The following MRPL24 variants were observed in gnomAD, a reference collection of about 807,000 sequenced individuals.
MRPL24 encodes large ribosomal subunit protein uL24m.
MRPL24 carries 15 observed loss-of-function variants against 26.9 expected under a neutral mutation model. That is an observed-to-expected ratio of 0.56 (90% CI 0.37 to 0.86). The LOEUF (loss-of-function observed/expected upper bound fraction) is 0.86. MRPL24 is among the 40% of genes least tolerant of loss of function. The probability of loss-of-function intolerance (pLI) is 0.00; values close to 1 mark genes in which losing one functional copy is unlikely to be tolerated. For synonymous variants in MRPL24, 92 were observed against 102.4 expected, an observed-to-expected ratio of 0.90 and a Z score of 0.62; for missense variants, 241 against 281.4, an observed-to-expected ratio of 0.86 and a Z score of 1.03.
In MRPL24 at chr1:156,737,684, A is replaced by G. The variant is rs781725443; in HGVS notation, c.476T>C (p.Phe159Ser). ...RSGRIIPKPE[F>S]PRADGIVPET... ...AGGGACGATGCCATCAGCTCTGGGA[A>G]ATTCGGGTTTAGGGATAATTCTCCC... The change falls in exon 5 of 6, where the codon TTT becomes TCT. Residue 159 changes from phenylalanine to serine, a missense_variant. Physicochemically the swap from Phe to Ser is radical, Grantham distance 155. Transcript: ENST00000361531. The G allele has an allele frequency of 1.2e-6, 2 of 1,614,096 alleles. No individual in the cohort carries two copies. The highest frequency in any genetic ancestry group is 2.2e-5 in the South Asian group (2 of 91,076).
upstream of MRPL24, chr1:156,741,421 C>CAAAG (rs1293447944): frequency 1.3e-5 from 2 of 152,216 alleles, no homozygotes; most frequent in Non-Finnish European, 2.9e-5. Flanking sequence ...CTGTTCAAGG[C>CAAAG]AAAGGGCCGC....
Position 156,738,080 on chromosome 1 carries a change from C to T in MRPL24, c.334G>A (p.Glu112Lys), listed in dbSNP as rs1389478344. The T allele has an allele frequency of 1.2e-6, 2 of 1,614,168 alleles. No homozygotes were observed. Among genetic ancestry groups the T allele is most frequent in the Non-Finnish European group, 1.7e-6 (2 of 1,180,022 alleles). Residue 112 changes from glutamate to lysine, a missense_variant, in exon 4 of 6, where the codon GAA becomes AAA. By Grantham distance (56) the Glu-to-Lys change is moderately conservative. Transcript: ENST00000361531. ...MDYRGTMIPS[E>K]APLLHRQVKL... ...ACCTGGCGGTGGAGCAAGGGGGCTTCACTAGGGATCATGGTTCCCCGGTAA... is the reference window on the plus strand; with the variant it reads ...ACCTGGCGGTGGAGCAAGGGGGCTTTACTAGGGATCATGGTTCCCCGGTAA...
At chr1:156,740,616 A>G (rs1451037491) in intron 1 of MRPL24, 3 of 152,154 alleles carry the variant, frequency 2.0e-5, no homozygotes. Context: ...CAGCTTGACT[A>G]GGAGCAGGGC....
At chr1:156,742,294 C>T (rs916622866), upstream of MRPL24, 3 of 152,584 alleles carry the variant, frequency 2.0e-5, no homozygotes, top group African/African-American at 7.2e-5. Flanking sequence ...GCACTTATTT[C>T]TCTCTGTCCT....
chr1:156,742,002 C>T (rs939365167), upstream of MRPL24: 2 of 152,654 alleles, frequency 1.3e-5, no homozygotes, highest in Non-Finnish European at 2.9e-5. Flanking sequence ...GAGGTTGACA[C>T]CCTCTACCTA....
intron 1 of MRPL24, 132 bp from the exon 2 acceptor site, chr1:156,738,896 A>C: frequency 1.8e-6 from 1 of 548,988 alleles, no homozygotes; most frequent in South Asian, 2.8e-5. Context: ...AGATGAGAAA[A>C]TAGAAAGGTC....
upstream of MRPL24, chr1:156,742,538 ATTTTC>A (rs1385881587): frequency 6.6e-6 from 1 of 152,610 alleles, no homozygotes. Flanking sequence ...TTTTTTTGTA[ATTTTC>A]TTTTATTAAA....
intron 4 of MRPL24, 121 bp from the exon 5 acceptor site, chr1:156,737,897 G>T: frequency 6.8e-7 from 1 of 1,474,776 alleles, no homozygotes; most frequent in Non-Finnish European, 9.3e-7. Context: ...TCTGTGTTGG[G>T]GTTACCCGCA....
At chr1:156,740,680 C>T (rs1037891147) in intron 1 of MRPL24, 4 of 152,272 alleles carry the variant, frequency 2.6e-5, no homozygotes, top group African/African-American at 9.7e-5. Flanking sequence ...CCCTTCACCT[C>T]AGTCAATCCA....
Position 156,737,720 on chromosome 1 carries a change from G to A in MRPL24, c.440C>T (p.Ser147Phe), listed in dbSNP as rs778874437. The A allele has an allele frequency of 1.2e-6, 2 of 1,614,108 alleles. No individual in the cohort carries two copies. Among genetic ancestry groups the A allele is most frequent in the Non-Finnish European group, 1.7e-6 (2 of 1,180,028 alleles). The part of the protein sequence containing the change: ...FTEAGERVRV[S>F]TRSGRIIPKP... ...AGGGATAATTCTCCCTGATCGTGTG[G>A]AGACTCGTACCCGCTCTCCTGCTTC... The change falls in exon 5 of 6, where the codon TCC (serine) becomes TTC (phenylalanine). Residue 147 changes from serine to phenylalanine, a missense_variant. Physicochemically the swap from Ser to Phe is radical, Grantham distance 155 (BLOSUM62 -2). Transcript: ENST00000361531.
In MRPL24 at chr1:156,738,123, G is replaced by A. The variant is rs550499327; in HGVS notation, c.291C>T (p.Tyr97=). The change falls in exon 4 of 6, where the codon TAC becomes TAT. Residue 97 remains tyrosine (Y), a synonymous_variant. Transcript: ENST00000361531. ...VVGGLNTHYR[Y]IGKTMDYRGT... is the part of the protein sequence containing the mutation. The stretch of plus-strand genomic sequence containing the variant: ...CCCGGTAATCCATGGTCTTGCCAAT[G>A]TAGCGGTAATGCTGTCCAAGAGAGG... The A allele has an allele frequency of 5.3e-5, 86 of 1,614,188 alleles. No individual in the cohort carries two copies. In the South Asian group the frequency reaches 8.9e-4, roughly 17 times the overall value.
upstream of MRPL24, chr1:156,742,476 T>C (rs1224153128): frequency 6.6e-6 from 1 of 152,560 alleles, no homozygotes; most frequent in Admixed American, 6.6e-5. Context: ...GGGGCAACGA[T>C]GGGGAAGGAG....
Position 156,740,510 on chromosome 1 carries a change from A to T in MRPL24, c.-61+502T>A, listed in dbSNP as rs577760226. ...CCGGCATTTGGTCTTCACATTGCCC[A>T]GTGAGGAAGGTGAGGTTGCCAGATG... On this transcript the variant is annotated intron_variant, in intron 1 of 5. Coordinates refer to ENST00000361531, the MANE Select transcript of MRPL24 (RefSeq NM_145729.3). The T allele has an allele frequency of 2.6e-5, 4 of 152,252 alleles. No individual in the cohort carries two copies. The South Asian group carries it at 8.3e-4, about 32-fold the overall frequency. 9.4% of individuals were successfully genotyped at this position (152,252 alleles called of 1,614,324 possible).
At chr1:156,741,220 T>C (rs1052063539), upstream of MRPL24, 1 of 152,256 alleles carries the variant, frequency 6.6e-6, no homozygotes, top group South Asian at 2.1e-4. Context: ...GCTAGAAAGC[T>C]GGAAACAGGA....
rs770675102 is a variant in MRPL24 at position 156,738,745 on chromosome 1, C to G, written c.-41G>C. On this transcript the variant is annotated 5_prime_UTR_variant, in exon 2 of 6. Transcript: ENST00000361531. ...GAAATCCCTTTGCCAGCAAAACGCT[C>G]GAAACCTTCCTTGTCAGCTCTGGGC... 3.3e-6 allele frequency: 5 copies of G among 1,537,190 alleles called. No homozygotes were observed. The highest frequency in any genetic ancestry group is 4.4e-6 in the Non-Finnish European group (5 of 1,144,360).
chr1:156,738,197 G>A (rs1649949333), intron 3 of MRPL24, 63 bp from the exon 4 acceptor site: 10 of 1,574,898 alleles, frequency 6.3e-6, no homozygotes, highest in East Asian at 4.5e-5. Context: ...CTTGCTACTC[G>A]GCGCATTCAG....
intron 1 of MRPL24, among the ~76,000 whole-genome samples, chr1:156,739,527 A>C (rs1240719138): frequency 6.6e-6 from 1 of 152,200 alleles, no homozygotes; most frequent in East Asian, 1.9e-4. Flanking sequence ...TTATAGATAA[A>C]AATGAACCCT....
At chr1:156,738,206 A>C (rs886317567) in intron 3 of MRPL24, 72 bp from the exon 4 acceptor site, 1 of 1,567,146 alleles carries the variant, frequency 6.4e-7, no homozygotes, top group African/African-American at 1.4e-5. Context: ...CGGCGCATTC[A>C]GCCCAAGTTG....
Position 156,738,207 on chromosome 1 carries a change from G to A in MRPL24, c.280-73C>T. On this transcript the variant is annotated intron_variant, in intron 3 of 5. Coordinates refer to ENST00000361531, the MANE Select transcript of MRPL24 (RefSeq NM_145729.3). ...TTGCCCTTGCTACTCGGCGCATTCA[G>A]CCCAAGTTGAAAAGTAGAAGGTTCA... is the stretch of plus-strand genomic sequence containing the variant. 3 of 1,563,030 alleles carry A rather than the reference G, an allele frequency of 1.9e-6. No individual in the cohort carries two copies. The Admixed American group carries it at 5.0e-5, about 26-fold the overall frequency.
Sources: gnomAD v4.1 joint callset for allele counts (sites outside exome capture counted in the v4.1 genomes callset) on GRCh38, gnomAD v4.1.1 for gene constraint, MANE v1.5 for transcripts, NCBI Gene and HGNC (gene_info 2026-07-23, HGNC 2026-07-21) for gene names.